Variants in DNAH8 observed in about 807,000 individuals in gnomAD.
The protein encoded by DNAH8 is dynein axonemal heavy chain 8.
A neutral mutation model predicts 562.1 loss-of-function variants in DNAH8; 382 were observed. The ratio of observed to expected loss-of-function variants is 0.68; its 90% CI spans 0.63 to 0.74. The LOEUF is 0.74. Among genes scored for constraint, DNAH8 ranks in the 30% least tolerant of loss-of-function variants. The probability of loss-of-function intolerance (pLI) is 0.00; values close to 1 mark genes in which losing one functional copy is unlikely to be tolerated. For missense variants in DNAH8, 5,203 were observed against 5,620.4 expected, an observed-to-expected ratio of 0.93 and a Z score of 2.37; for synonymous variants, 1,881 against 1,919.4, an observed-to-expected ratio of 0.98 and a Z score of 0.52.
chr6:38,775,667 T>A lies in DNAH8; in HGVS notation c.1765-87T>A. ...TAGGCCCTGTTTAATGGTTTGTGTT[T>A]TATATCAATGATTCATTAAGAGCTT... On this transcript the variant is annotated intron_variant, in intron 12 of 92. Transcript: ENST00000327475. 3 of 812,392 alleles carry A rather than the reference T, an allele frequency of 3.7e-6. No homozygotes were observed. The South Asian group carries it at 5.4e-5, about 15-fold the overall frequency. The allele number at this position is 812,392 out of a possible 1,614,324, so 50.3% of individuals were successfully genotyped here. A position where few individuals can be genotyped will look rare whatever the true frequency, so the allele number is the denominator to read the frequency against.
chr6:38,854,112 A>G (rs1022934159), intron 41 of DNAH8, among the ~76,000 whole-genome samples: 1 of 152,136 alleles, frequency 6.6e-6, no homozygotes, highest in African/African-American at 2.4e-5. Flanking sequence ...TGTAAAGGGA[A>G]TGAGCATACC....
chr6:38,740,558 T>C (rs1056053877), intron 7 of DNAH8, among the ~76,000 whole-genome samples: 1 of 152,196 alleles, frequency 6.6e-6, no homozygotes, highest in African/African-American at 2.4e-5. Flanking sequence ...CTAGCAACTT[T>C]ACTGAATTGC....
In DNAH8 at chr6:38,815,570, A is replaced by G. The variant is rs1326646337; in HGVS notation, c.3436A>G (p.Ile1146Val). ...AGTGGCTCACTGGGGGCAACAGCAA[A>G]TCCGTCCCATCAAGTCTGTCATTCC... Reference protein sequence around the residue: ...RGVAHWGQQQIRPIKSVIPSP... With the variant: ...RGVAHWGQQQVRPIKSVIPSP... The change falls in exon 26 of 93, where the codon ATC becomes GTC. Residue 1146 changes from isoleucine (I) to valine (V), a missense_variant. Ile to Val is a conservative substitution (Grantham distance 29, BLOSUM62 3). Transcript: ENST00000327475. 1 of 1,614,038 alleles carries G rather than the reference A, an allele frequency of 6.2e-7. No individual in the cohort carries two copies. The highest frequency in any genetic ancestry group is 1.7e-5 in the Admixed American group (1 of 60,012).
intron 31 of DNAH8, among the ~76,000 whole-genome samples, chr6:38,833,679 T>C (rs1238853757): frequency 6.6e-6 from 1 of 152,174 alleles, no homozygotes; most frequent in South Asian, 2.1e-4. Flanking sequence ...ACCAATAAAA[T>C]GTTTTCTTTG....
At chr6:38,973,983 G>A (rs1047669334) in intron 84 of DNAH8, among the ~76,000 whole-genome samples, 170 bp downstream of exon 84, 1 of 152,136 alleles carries the variant, frequency 6.6e-6, no homozygotes. Flanking sequence ...AGGTTAGACT[G>A]TAGTAAATAT....
In DNAH8 at chr6:38,722,869, G is replaced by T; in HGVS notation, c.60G>T (p.Thr20=). The T allele has an allele frequency of 1.2e-6, 2 of 1,611,676 alleles. No homozygotes were observed. Among genetic ancestry groups the T allele is most frequent in the Non-Finnish European group, 1.7e-6 (2 of 1,179,416 alleles). ...PSEGAEAPPS[T]EEAAPPRSEE... ...AGGGAGCAGAGGCTCCTCCCTCTAC[G>T]GAAGAGGCTGCCCCTCCCCGTTCAG... The change falls in exon 2 of 93, where the codon ACG becomes ACT. Residue 20 remains threonine, a synonymous_variant. Coordinates refer to ENST00000327475, the MANE Select transcript of DNAH8 (RefSeq NM_001206927.2).
In DNAH8 at chr6:38,823,001, T is replaced by C. The variant is rs778881056; in HGVS notation, c.3687T>C (p.Thr1229=). ...TGCAGGACTTTCAGAAGTACAAGAC[T>C]CTCTGGACAGAGGACCGCGATGTGA... ...EALQDFQKYK[T]LWTEDRDVKV... is the part of the protein sequence containing the mutation. The change falls in exon 27 of 93, where the codon ACT becomes ACC. Residue 1229 remains threonine (T), a synonymous_variant. Coordinates refer to ENST00000327475, the MANE Select transcript of DNAH8 (RefSeq NM_001206927.2). 1 of 1,597,654 alleles carries C rather than the reference T, an allele frequency of 6.3e-7. No individual in the cohort carries two copies. Among genetic ancestry groups the C allele is most frequent in the Non-Finnish European group, 8.5e-7 (1 of 1,175,670 alleles).
intron 26 of DNAH8, among the ~76,000 whole-genome samples, chr6:38,817,152 G>T (rs1772361736): frequency 6.6e-6 from 1 of 152,120 alleles, no homozygotes; most frequent in South Asian, 2.1e-4. Context: ...ATATCATCCT[G>T]GCCAACATGG....
intron 24 of DNAH8, among the ~76,000 whole-genome samples, chr6:38,808,812 C>G (rs547641451): frequency 2.8e-3 from 419 of 152,196 alleles, no homozygotes; most frequent in Admixed American, 6.5e-3. Context: ...AAGCTGGAAA[C>G]CATCATTCTC....
chr6:38,838,034 CA>C lies in DNAH8; in HGVS notation c.4462del (p.Thr1488ProfsTer18). 6.2e-7 allele frequency: 1 copy of C among 1,602,720 alleles called. No homozygotes were observed. Among genetic ancestry groups the C allele is most frequent in the Non-Finnish European group, 8.5e-7 (1 of 1,172,856 alleles). On this transcript the variant is annotated frameshift_variant, in exon 33 of 93. Coordinates refer to ENST00000327475, the MANE Select transcript of DNAH8 (RefSeq NM_001206927.2). LOFTEE classifies it high-confidence loss of function. Reference protein sequence around the residue: ...LPVTDYEVLHKTRKELNLLQK... With the variant: ...LPVTDYEVLHXTRKELNLLQK... ...CTGTGACTGATTATGAGGTTTTACACAAAACCAGGTAAGTTTAGAAAATAAG... is the reference window on the plus strand; with the variant it reads ...CTGTGACTGATTATGAGGTTTTACACAAACCAGGTAAGTTTAGAAAATAAG...
intron 7 of DNAH8, among the ~76,000 whole-genome samples, chr6:38,739,575 G>C (rs1167344507): frequency 1.3e-5 from 2 of 152,148 alleles, no homozygotes; most frequent in Non-Finnish European, 2.9e-5. Context: ...GGGAGCCCAA[G>C]GCAAGAGGAT....
chr6:38,826,705 C>A (rs1583113056), intron 29 of DNAH8, among the ~76,000 whole-genome samples: 1 of 152,146 alleles, frequency 6.6e-6, no homozygotes, highest in Admixed American at 6.5e-5. Flanking sequence ...TCATGTCAAT[C>A]CCAACATGTT....
At chr6:38,740,181 G>T (rs991765) in intron 7 of DNAH8, among the ~76,000 whole-genome samples, 38,439 of 152,010 alleles carry the variant, frequency 0.25, 5,771 homozygotes, top group Non-Finnish European at 0.34. Flanking sequence ...ATTGACTGTT[G>T]CAGGCTAATT....
At position 38,808,819 on chromosome 6, in the gene DNAH8, T is replaced by C. The variant is rs766612909; in HGVS notation, c.3257+1103T>C. On this transcript the variant is annotated intron_variant, in intron 24 of 92. Transcript: ENST00000327475. ...AATGGATGAAGCTGGAAACCATCAT[T>C]CTCAGCAAACTAACACAAGAGCAGA... Among the ~76,000 whole-genome samples, 55 of 152,206 alleles carry C rather than the reference T, an allele frequency of 3.6e-4. No individual in the cohort carries two copies. The Middle Eastern group carries it at 0.014, about 38-fold the overall frequency.
At chr6:38,944,571 C>T (rs1397268438) in intron 79 of DNAH8, among the ~76,000 whole-genome samples, 1 of 152,204 alleles carries the variant, frequency 6.6e-6, no homozygotes, top group Non-Finnish European at 1.5e-5. Flanking sequence ...TGATACATTA[C>T]TAAAGACATG....
chr6:38,927,872 C>G (rs1022760384), intron 74 of DNAH8, among the ~76,000 whole-genome samples: 1 of 152,204 alleles, frequency 6.6e-6, no homozygotes. Flanking sequence ...ATGCCCGAAA[C>G]TCTTCCTTAT....
intron 89 of DNAH8, among the ~76,000 whole-genome samples, chr6:39,009,238 CTCAA>C (rs1326174722): frequency 6.6e-6 from 1 of 151,850 alleles, no homozygotes; most frequent in Non-Finnish European, 1.5e-5. Flanking sequence ...TTAATTCCTC[CTCAA>C]TCAAAGTTTC....
At chr6:38,934,214 G>A (rs958987119) in intron 76 of DNAH8, among the ~76,000 whole-genome samples, 3 of 151,886 alleles carry the variant, frequency 2.0e-5, no homozygotes, top group Non-Finnish European at 2.9e-5. Context: ...TTAGCCAGGC[G>A]TGGTGGTGCA....
intron 58 of DNAH8, among the ~76,000 whole-genome samples, chr6:38,891,699 T>G (rs1031494031): frequency 6.6e-6 from 1 of 152,202 alleles, no homozygotes; most frequent in African/African-American, 2.4e-5. Flanking sequence ...ACTGAGCGTC[T>G]GAGATAGTTT....
Sources: allele counts gnomAD v4.1 joint callset (sites outside exome capture counted in the v4.1 genomes callset), GRCh38; gene constraint gnomAD v4.1.1; transcripts MANE v1.5; gene names NCBI Gene and HGNC (gene_info 2026-07-23, HGNC 2026-07-21).